SLC38A1: variants seen among roughly 807,000 people sequenced by gnomAD.
SLC38A1 encodes the protein sodium-coupled neutral amino acid symporter 1.
Under a neutral mutation model 60.3 loss-of-function variants are expected in SLC38A1, and 18 were observed. The observed-to-expected ratio is 0.30, with a 90% CI of 0.21 to 0.44. The LOEUF (loss-of-function observed/expected upper bound fraction) is 0.44, where lower values mean the gene tolerates loss of function less well. Ranked by LOEUF, SLC38A1 falls within the 20% of genes least tolerant of loss-of-function variation. SLC38A1 has a pLI of 1.00. For missense variants in SLC38A1, 448 were observed against 587.2 expected (o/e 0.76, Z 2.45); for synonymous variants, 196 against 212.1 (o/e 0.92, Z 0.66).
chr12:46,225,101 G>C (rs1332182366), intron 5 of SLC38A1, among the ~76,000 whole-genome samples: 1 of 152,126 alleles, frequency 6.6e-6, no homozygotes, highest in Non-Finnish European at 1.5e-5. Flanking sequence ...TATAATAGTA[G>C]ACAATAATGA....
At chr12:46,229,707 G>A in intron 3 of SLC38A1, 68 bp from the exon 4 acceptor site, 1 of 1,323,212 alleles carries the variant, frequency 7.6e-7, no homozygotes, top group Non-Finnish European at 1.1e-6. Flanking sequence ...TTTACTAAAT[G>A]ATATGTTACT....
intron 11 of SLC38A1, among the ~76,000 whole-genome samples, chr12:46,203,742 G>C (rs570005114): frequency 2.4e-4 from 36 of 152,298 alleles, no homozygotes; most frequent in Admixed American, 1.9e-3. Context: ...TAACTCTGCT[G>C]ATGCACTATG....
intron 6 of SLC38A1, among the ~76,000 whole-genome samples, chr12:46,208,032 C>T (rs1211212669): frequency 6.6e-6 from 1 of 152,138 alleles, no homozygotes; most frequent in African/African-American, 2.4e-5. Flanking sequence ...GAATTAATGA[C>T]CTGAACTGAT....
At position 46,251,872 on chromosome 12, in the gene SLC38A1, G is replaced by A. The variant is rs138072454; in HGVS notation, c.-208-8558C>T. 8.8e-3 allele frequency among the ~76,000 whole-genome samples: 1,346 copies of A among 152,170 alleles called. 6 individuals carry two copies. The highest frequency in any genetic ancestry group is 0.02 in the Middle Eastern group (6 of 294). On this transcript the variant is annotated intron_variant, in intron 1 of 16. Transcript: ENST00000398637. The stretch of plus-strand genomic sequence containing the variant: ...GGAGAGGATGTGGAGAAATAGGAAT[G>A]CTTTTACACTCTTGGTGGGAGTGTA...
chr12:46,265,021 A>G (rs2139093792), intron 1 of SLC38A1, among the ~76,000 whole-genome samples: 1 of 152,356 alleles, frequency 6.6e-6, no homozygotes, highest in Non-Finnish European at 1.5e-5. Flanking sequence ...TCAGAGGTAA[A>G]GGGAACTTTA....
intron 1 of SLC38A1, among the ~76,000 whole-genome samples, chr12:46,267,907 C>A (rs1942409257): frequency 6.6e-6 from 1 of 152,232 alleles, no homozygotes; most frequent in Non-Finnish European, 1.5e-5. Context: ...CAGTGAGTCA[C>A]TGCAAGCATC....
intron 13 of SLC38A1, among the ~76,000 whole-genome samples, chr12:46,199,807 C>G (rs1939570568): frequency 6.6e-6 from 1 of 152,106 alleles, no homozygotes; most frequent in Non-Finnish European, 1.5e-5. Flanking sequence ...CCTGCAAGGG[C>G]CTCTCACTGC....
chr12:46,202,395 T>C (rs941668832), intron 12 of SLC38A1, among the ~76,000 whole-genome samples: 1 of 152,208 alleles, frequency 6.6e-6, no homozygotes, highest in African/African-American at 2.4e-5. Flanking sequence ...ATTGTGACTA[T>C]TTTTGTTTAT....
Position 46,268,751 on chromosome 12 carries a change from G to T in SLC38A1, c.-434C>A. ...CCTGGCGACCTTCTGGCGGAGTGGC[G>T]TGGCCGCCCCAGTCCGCGCTCGCCT... is the stretch of plus-strand genomic sequence containing the variant. On this transcript the variant is annotated 5_prime_UTR_variant, in exon 1 of 17. Transcript: ENST00000398637. The surrounding 1 kb of genome is among the most constrained non-coding windows in gnomAD (Gnocchi z 4.4). 3.2e-6 allele frequency: 1 copy of T among 316,234 alleles called. No individual in the cohort carries two copies. Among genetic ancestry groups the T allele is most frequent in the South Asian group, 2.2e-5 (1 of 46,102 alleles). The allele number at this position is 316,234 out of a possible 1,614,324, so 19.6% of individuals were successfully genotyped here. A position where few individuals can be genotyped will look rare whatever the true frequency, so the allele number is the denominator to read the frequency against.
At position 46,245,194 on chromosome 12, in the gene SLC38A1, T is replaced by A. The variant is rs564020861; in HGVS notation, c.-208-1880A>T. ...GCCACATACACTTAATTCTAAAACT[T>A]GTTATGAATCATCATTGGTTTTTTA... is the stretch of plus-strand genomic sequence containing the variant. On this transcript the variant is annotated intron_variant, in intron 1 of 16. Transcript: ENST00000398637. Among the ~76,000 whole-genome samples the A allele has an allele frequency of 2.0e-4, 30 of 152,334 alleles. No homozygotes were observed. The South Asian group carries it at 5.8e-3, about 29-fold the overall frequency.
chr12:46,186,821 T>C lies in SLC38A1; in HGVS notation c.*2149A>G, dbSNP rs1347039639. The C allele has an allele frequency of 6.6e-6, 1 of 152,172 alleles. No individual in the cohort carries two copies. Among genetic ancestry groups the C allele is most frequent in the African/African-American group, 2.4e-5 (1 of 41,430 alleles). The allele number at this position is 152,172 out of a possible 1,614,324, so 9.4% of individuals were successfully genotyped here. ...TTGACTTTGTGAGGGTAAAATGAAT[T>C]GCTATAAAGTAACAAGGAAAATAGA... On this transcript the variant is annotated 3_prime_UTR_variant, in exon 17 of 17. Coordinates refer to ENST00000398637, the MANE Select transcript of SLC38A1 (RefSeq NM_030674.4).
At chr12:46,214,573 T>A (rs185919037) in intron 5 of SLC38A1, among the ~76,000 whole-genome samples, 1 of 152,342 alleles carries the variant, frequency 6.6e-6, no homozygotes, top group East Asian at 1.9e-4. Flanking sequence ...AAATGTTCTA[T>A]ACCATGATTG....
chr12:46,257,051 A>G (rs891252568), intron 1 of SLC38A1, among the ~76,000 whole-genome samples: 2 of 152,176 alleles, frequency 1.3e-5, no homozygotes, highest in East Asian at 3.9e-4. Context: ...GAGGCCAGAA[A>G]AAGACCCACC....
chr12:46,257,267 A>T (rs1051570999), intron 1 of SLC38A1, among the ~76,000 whole-genome samples: 1 of 152,206 alleles, frequency 6.6e-6, no homozygotes, highest in African/African-American at 2.4e-5. Flanking sequence ...AGCAGTTAAC[A>T]GGCTGTAGTA....
At position 46,201,140 on chromosome 12, in the gene SLC38A1, T is replaced by C; in HGVS notation, c.961A>G (p.Met321Val). 6.2e-7 allele frequency: 1 copy of C among 1,613,604 alleles called. No homozygotes were observed. Among genetic ancestry groups the C allele is most frequent in the Non-Finnish European group, 8.5e-7 (1 of 1,179,764 alleles). ...SNISFFAMFV[M>V]YFLTAIFGYL... ...CCAAAAATGGCAGTCAAGAAGTACA[T>C]AACAAACATGGCGAAAAAGGAGATG... Residue 321 changes from methionine (M) to valine (V), a missense_variant, in exon 13 of 17, where the codon ATG becomes GTG. This residue lies in a region of SLC38A1 where 346 missense variants were observed against 497.5 expected (regional missense o/e 0.70). Coordinates refer to ENST00000398637, the MANE Select transcript of SLC38A1 (RefSeq NM_030674.4).
At chr12:46,208,118 C>T (rs1018777260) in intron 6 of SLC38A1, among the ~76,000 whole-genome samples, 1 of 152,154 alleles carries the variant, frequency 6.6e-6, no homozygotes, top group African/African-American at 2.4e-5. Context: ...AGCTTAGAAA[C>T]ATTTTAATAG....
At chr12:46,233,729 C>T (rs1440186455) in intron 3 of SLC38A1, among the ~76,000 whole-genome samples, 2 of 152,144 alleles carry the variant, frequency 1.3e-5, no homozygotes, top group East Asian at 1.9e-4. Context: ...AATGAGTAAC[C>T]GTTAAATAGC....
Position 46,197,835 on chromosome 12 carries a change from A to G in SLC38A1, c.1265-18T>C. On this transcript the variant is annotated intron_variant, in intron 15 of 16. Coordinates refer to ENST00000398637, the MANE Select transcript of SLC38A1 (RefSeq NM_030674.4). Reference sequence around the variant, plus strand: ...TGTAACTCCTGTAAAATAAGACAAAAGAGAAAGTTTAGCATTGCTATTGTG... The same window carrying G: ...TGTAACTCCTGTAAAATAAGACAAAGGAGAAAGTTTAGCATTGCTATTGTG... 1 of 1,597,348 alleles carries G rather than the reference A, an allele frequency of 6.3e-7. No homozygotes were observed. The highest frequency in any genetic ancestry group is 8.5e-7 in the Non-Finnish European group (1 of 1,173,392).
chr12:46,256,220 A>G lies in SLC38A1; in HGVS notation c.-209+12306T>C, dbSNP rs1299426448. Among the ~76,000 whole-genome samples, 3 of 151,566 alleles carry G rather than the reference A, an allele frequency of 2.0e-5. No individual in the cohort carries two copies. The East Asian group carries it at 5.8e-4, about 29-fold the overall frequency. ...AGCAGTTTATGACCTTAAGGCATTT[A>G]GCAAACTTAATATCTGACCTGCATA... On this transcript the variant is annotated intron_variant, in intron 1 of 16. Coordinates refer to ENST00000398637, the MANE Select transcript of SLC38A1 (RefSeq NM_030674.4).
Sources: allele counts gnomAD v4.1 joint callset (sites outside exome capture counted in the v4.1 genomes callset), GRCh38; gene constraint gnomAD v4.1.1; regional missense constraint gnomAD v4.1.1; non-coding constraint Gnocchi (gnomAD v3.1); transcripts MANE v1.5; gene names NCBI Gene and HGNC (gene_info 2026-07-23, HGNC 2026-07-21).